CTNNA3: variants seen among roughly 807,000 people sequenced by gnomAD.
The protein encoded by CTNNA3 is catenin alpha-3.
A neutral mutation model predicts 95.7 loss-of-function variants in CTNNA3; 76 were observed. The ratio of observed to expected loss-of-function variants is 0.79; its 90% CI spans 0.66 to 0.96. CTNNA3 has a LOEUF of 0.96. CTNNA3 is among the 40% of genes least tolerant of loss of function. The pLI is 0.00. For synonymous variants in CTNNA3, 431 were observed against 374.4 expected, an observed-to-expected ratio of 1.15 and a Z score of -1.74; for missense variants, 1,191 against 1,089.8, an observed-to-expected ratio of 1.09 and a Z score of -1.31.
intron 7 of CTNNA3, among the ~76,000 whole-genome samples, chr10:66,835,290 T>C (rs984863355): frequency 1.3e-5 from 2 of 152,130 alleles, no homozygotes; most frequent in African/African-American, 4.8e-5. Flanking sequence ...ATTCAAAAGA[T>C]GTTCTAGAGC....
intron 15 of CTNNA3, among the ~76,000 whole-genome samples, chr10:66,037,240 T>G (rs368675392): frequency 6.6e-6 from 1 of 152,120 alleles, no homozygotes; most frequent in Non-Finnish European, 1.5e-5. Flanking sequence ...TTATAGAAAA[T>G]TACTGCTTTA....
chr10:67,141,112 A>G (rs1328905387), intron 7 of CTNNA3, among the ~76,000 whole-genome samples: 1 of 152,182 alleles, frequency 6.6e-6, no homozygotes, highest in African/African-American at 2.4e-5. Context: ...CGTCTCAAAG[A>G]TAATATTTGG....
chr10:67,733,640 C>T (rs1415218598), intron 1 of CTNNA3, among the ~76,000 whole-genome samples: 2 of 152,222 alleles, frequency 1.3e-5, no homozygotes, highest in African/African-American at 4.8e-5. Context: ...ATTACTGGAG[C>T]ATGTTCCCTT....
At chr10:66,576,545 A>G (rs1843009439) in intron 10 of CTNNA3, among the ~76,000 whole-genome samples, 1 of 151,936 alleles carries the variant, frequency 6.6e-6, no homozygotes. Flanking sequence ...TTTATATTCA[A>G]TGTTGAGCTT....
intron 7 of CTNNA3, among the ~76,000 whole-genome samples, chr10:67,013,664 A>G (rs1852478392): frequency 6.6e-6 from 1 of 152,164 alleles, no homozygotes; most frequent in African/African-American, 2.4e-5. Flanking sequence ...ATACAGTTAA[A>G]TCTGAGGAAT....
At chr10:67,416,047 G>T (rs1418992541) in intron 5 of CTNNA3, among the ~76,000 whole-genome samples, 2 of 152,030 alleles carry the variant, frequency 1.3e-5, no homozygotes, top group Non-Finnish European at 2.9e-5. Flanking sequence ...AAAAATCCTA[G>T]AAGAAAACCC....
chr10:66,094,008 C>A lies in CTNNA3; in HGVS notation c.1977+9149G>T, dbSNP rs144828538. Among the ~76,000 whole-genome samples, 176 of 152,088 alleles carry A rather than the reference C, an allele frequency of 1.2e-3. No individual in the cohort carries two copies. In the Middle Eastern group the frequency reaches 0.017, roughly 15 times the overall value. Reference sequence around the variant, plus strand: ...TTTAGAATTTAGCAGGGAGAAAAATCCATTATATAGGAAATTATACAGACA... The same window carrying A: ...TTTAGAATTTAGCAGGGAGAAAAATACATTATATAGGAAATTATACAGACA... On this transcript the variant is annotated intron_variant, in intron 14 of 17. Transcript: ENST00000433211.
chr10:65,935,490 G>A (rs903119567), intron 17 of CTNNA3, among the ~76,000 whole-genome samples: 2 of 152,100 alleles, frequency 1.3e-5, no homozygotes, highest in Admixed American at 6.6e-5. Flanking sequence ...TAGAGTTTTG[G>A]TGATTTGAAA....
At chr10:67,239,569 C>T (rs1253698058) in intron 5 of CTNNA3, among the ~76,000 whole-genome samples, 3 of 152,042 alleles carry the variant, frequency 2.0e-5, no homozygotes, top group Non-Finnish European at 4.4e-5. Context: ...GCTAGTTACA[C>T]CAATGTGTTT....
intron 11 of CTNNA3, among the ~76,000 whole-genome samples, chr10:66,388,886 A>G (rs2092914152): frequency 6.6e-6 from 1 of 152,160 alleles, no homozygotes; most frequent in Non-Finnish European, 1.5e-5. Flanking sequence ...TATTTGCATG[A>G]AGCTCTAAAC....
chr10:67,232,742 C>T (rs1865276232), intron 5 of CTNNA3, among the ~76,000 whole-genome samples: 1 of 151,864 alleles, frequency 6.6e-6, no homozygotes, highest in Non-Finnish European at 1.5e-5. Flanking sequence ...CAAGACCCAT[C>T]AGTGTGCTGT....
chr10:66,094,118 T>A (rs974578438), intron 14 of CTNNA3, among the ~76,000 whole-genome samples: 1 of 152,086 alleles, frequency 6.6e-6, no homozygotes, highest in Non-Finnish European at 1.5e-5. Context: ...CAGAGAAGGC[T>A]GGGCTAATCT....
chr10:66,910,568 A>T (rs1258616235), intron 7 of CTNNA3, among the ~76,000 whole-genome samples: 1 of 152,228 alleles, frequency 6.6e-6, no homozygotes, highest in Non-Finnish European at 1.5e-5. Context: ...AAAAGAATGA[A>T]CTGATTTTCA....
At chr10:66,794,043 T>A (rs1841090374) in intron 7 of CTNNA3, among the ~76,000 whole-genome samples, 1 of 152,178 alleles carries the variant, frequency 6.6e-6, no homozygotes, top group African/African-American at 2.4e-5. Flanking sequence ...ACTAGTACGT[T>A]TTAATACTAA....
At chr10:66,431,018 A>G (rs191942589) in intron 11 of CTNNA3, among the ~76,000 whole-genome samples, 1 of 151,980 alleles carries the variant, frequency 6.6e-6, no homozygotes, top group Non-Finnish European at 1.5e-5. Flanking sequence ...ACAAAGGGCT[A>G]ATATCCAGAA....
At chr10:67,418,779 C>T (rs187856741) in intron 5 of CTNNA3, among the ~76,000 whole-genome samples, 24 of 151,754 alleles carry the variant, frequency 1.6e-4, no homozygotes, top group African/African-American at 3.6e-4. Context: ...GTAGAAAATC[C>T]GTGCAAGGAA....
intron 7 of CTNNA3, among the ~76,000 whole-genome samples, chr10:66,934,191 A>G (rs1847564912): frequency 6.6e-6 from 1 of 152,180 alleles, no homozygotes; most frequent in African/African-American, 2.4e-5. Flanking sequence ...AAAAAAAAGA[A>G]AAACAGCTTC....
At chr10:67,085,038 G>T (rs1233981110) in intron 7 of CTNNA3, among the ~76,000 whole-genome samples, 1 of 151,862 alleles carries the variant, frequency 6.6e-6, no homozygotes, top group Non-Finnish European at 1.5e-5. Context: ...TTAACCTTGA[G>T]CTTCAAATTT....
At chr10:66,453,223 G>GA (rs567411067) in intron 11 of CTNNA3, among the ~76,000 whole-genome samples, 20,817 of 135,842 alleles carry the variant, frequency 0.15, 2,291 homozygotes, top group African/African-American at 0.33. Flanking sequence ...TCTCAAAAAA[G>GA]AAAAAAAAAA....
Sources: allele counts gnomAD v4.1 joint callset (sites outside exome capture counted in the v4.1 genomes callset), GRCh38; gene constraint gnomAD v4.1.1; transcripts MANE v1.5; gene names NCBI Gene and HGNC (gene_info 2026-07-23, HGNC 2026-07-21).